Variants in ITGBL1 observed in about 807,000 individuals in gnomAD.
ITGBL1 encodes the protein integrin subunit beta like 1.
In ITGBL1, 51 loss-of-function variants were observed where a neutral mutation model predicts 68.5. The ratio of observed to expected loss-of-function variants is 0.74; its 90% CI spans 0.59 to 0.94. ITGBL1 has a LOEUF of 0.94. Ranked by LOEUF, ITGBL1 falls within the 40% of genes least tolerant of loss-of-function variation. The pLI is 0.00. For missense variants in ITGBL1, 649 were observed against 647.4 expected (o/e 1.00, Z -0.03); for synonymous variants, 209 against 227.3 (o/e 0.92, Z 0.72).
At chr13:101,512,666 T>C (rs1352258925) in intron 2 of ITGBL1, among the ~76,000 whole-genome samples, 2 of 151,946 alleles carry the variant, frequency 1.3e-5, no homozygotes, top group Non-Finnish European at 1.5e-5. Context: ...AGAGCCAGAG[T>C]GCTGCAAGGA....
chr13:101,688,554 T>A (rs2033809154), intron 7 of ITGBL1, among the ~76,000 whole-genome samples: 2 of 152,198 alleles, frequency 1.3e-5, no homozygotes. Context: ...AAGAATCTAG[T>A]CTTTGCTTTG....
chr13:101,714,433 T>A lies in ITGBL1; in HGVS notation c.1280-5T>A. ...GATGGTGAGTAATAGCCTTTGTAAT[T>A]TCAGGTTCTTGTCATTGTGGGAAGT... On this transcript the variant is annotated splice_polypyrimidine_tract_variant and splice_region_variant and intron_variant, in intron 9 of 10. Transcript: ENST00000376180. The A allele has an allele frequency of 6.5e-7, 1 of 1,545,790 alleles. No individual in the cohort carries two copies. The highest frequency in any genetic ancestry group is 2.3e-5 in the East Asian group (1 of 44,362).
chr13:101,588,675 T>G (rs1441721993), intron 6 of ITGBL1, among the ~76,000 whole-genome samples: 1 of 131,068 alleles, frequency 7.6e-6, no homozygotes, highest in African/African-American at 2.7e-5. Context: ...TTTTATGACC[T>G]TTTCACTATT....
chr13:101,514,709 A>G (rs185333281), intron 2 of ITGBL1, among the ~76,000 whole-genome samples: 1 of 152,142 alleles, frequency 6.6e-6, no homozygotes, highest in East Asian at 1.9e-4. Flanking sequence ...GTTATCCCTC[A>G]TATATGAAAG....
intron 7 of ITGBL1, among the ~76,000 whole-genome samples, chr13:101,656,678 A>T (rs1466730007): frequency 6.6e-6 from 1 of 152,160 alleles, no homozygotes; most frequent in Non-Finnish European, 1.5e-5. Flanking sequence ...ATCCACTCAT[A>T]TTGTAATTTG....
In ITGBL1 at chr13:101,596,339, G is replaced by A. The variant is rs568142328; in HGVS notation, c.869-1814G>A. Among the ~76,000 whole-genome samples, 22 of 152,224 alleles carry A rather than the reference G, an allele frequency of 1.4e-4. No individual in the cohort carries two copies. In the South Asian group the frequency reaches 2.7e-3, roughly 19 times the overall value. ...ACTTTCAAAGTTATAAGATGAATAC[G>A]TTCTGGAGATCTAATGTACAGCATG... is the stretch of plus-strand genomic sequence containing the variant. On this transcript the variant is annotated intron_variant, in intron 6 of 10. Transcript: ENST00000376180.
intron 2 of ITGBL1, among the ~76,000 whole-genome samples, chr13:101,466,334 T>A (rs1455709479): frequency 2.0e-5 from 3 of 152,236 alleles, no homozygotes; most frequent in Admixed American, 2.0e-4. Context: ...GTCAAGTATC[T>A]GTGCTTTTCA....
At chr13:101,585,587 C>A (rs9585731) in intron 6 of ITGBL1, among the ~76,000 whole-genome samples, 1,634 of 152,054 alleles carry the variant, frequency 0.011, 84 homozygotes, top group Admixed American at 0.073. Context: ...CCCACCACCA[C>A]GCCCGGCTTA....
At chr13:101,688,540 G>C (rs977791545) in intron 7 of ITGBL1, among the ~76,000 whole-genome samples, 1 of 152,214 alleles carries the variant, frequency 6.6e-6, no homozygotes, top group African/African-American at 2.4e-5. Flanking sequence ...GGAAAACTCT[G>C]TTGAAGAATC....
intron 2 of ITGBL1, among the ~76,000 whole-genome samples, chr13:101,551,400 GAGA>G (rs775519397): frequency 1.3e-5 from 2 of 152,160 alleles, no homozygotes; most frequent in African/African-American, 4.8e-5. Flanking sequence ...GGTTGAAATA[GAGA>G]AGAGAGAGGA....
At chr13:101,542,448 C>G (rs1351433743) in intron 2 of ITGBL1, among the ~76,000 whole-genome samples, 1 of 152,138 alleles carries the variant, frequency 6.6e-6, no homozygotes, top group Non-Finnish European at 1.5e-5. Context: ...CGTTCTTTTA[C>G]ATTTGCTGAG....
chr13:101,626,127 T>A (rs1461592829), intron 7 of ITGBL1, among the ~76,000 whole-genome samples: 2 of 152,166 alleles, frequency 1.3e-5, no homozygotes, highest in Admixed American at 1.3e-4. Flanking sequence ...AGCATCAAAT[T>A]GTATTTCAGA....
At chr13:101,641,346 C>CT (rs1435470796) in intron 7 of ITGBL1, among the ~76,000 whole-genome samples, 2 of 151,916 alleles carry the variant, frequency 1.3e-5, no homozygotes, top group African/African-American at 4.8e-5. Context: ...ACATATATTT[C>CT]TTTTTATTTT....
chr13:101,561,547 T>G (rs367766984), intron 2 of ITGBL1, among the ~76,000 whole-genome samples: 27 of 152,252 alleles, frequency 1.8e-4, no homozygotes, highest in East Asian at 1.4e-3. Flanking sequence ...GGTGGACTTA[T>G]CATTTTCAAA....
intron 7 of ITGBL1, among the ~76,000 whole-genome samples, chr13:101,662,338 T>G (rs2033109652): frequency 6.6e-6 from 1 of 152,200 alleles, no homozygotes; most frequent in African/African-American, 2.4e-5. Context: ...CTTTTGATTT[T>G]ATTGAAGCTT....
chr13:101,645,947 T>C (rs1302907858), intron 7 of ITGBL1, among the ~76,000 whole-genome samples: 2 of 152,242 alleles, frequency 1.3e-5, no homozygotes, highest in East Asian at 1.9e-4. Flanking sequence ...TGAACTTCTC[T>C]TGCATCTGAC....
intron 2 of ITGBL1, among the ~76,000 whole-genome samples, chr13:101,531,610 G>T (rs4771401): frequency 0.38 from 44,097 of 117,050 alleles, 7,772 homozygotes; most frequent in South Asian, 0.46. Flanking sequence ...CGTATTTTTT[G>T]GGGGGAGGGG....
chr13:101,655,445 T>A (rs148353307), intron 7 of ITGBL1, among the ~76,000 whole-genome samples: 1 of 152,226 alleles, frequency 6.6e-6, no homozygotes, highest in African/African-American at 2.4e-5. Context: ...TTGTAGTTAT[T>A]TTCCTATTTC....
At chr13:101,541,233 T>C (rs2049693330) in intron 2 of ITGBL1, among the ~76,000 whole-genome samples, 1 of 151,576 alleles carries the variant, frequency 6.6e-6, no homozygotes, top group Non-Finnish European at 1.5e-5. Flanking sequence ...GTCCCATCAA[T>C]ACCTAATTTA....
Sources: allele counts gnomAD v4.1 joint callset (sites outside exome capture counted in the v4.1 genomes callset), GRCh38; gene constraint gnomAD v4.1.1; transcripts MANE v1.5; gene names NCBI Gene and HGNC (gene_info 2026-07-23, HGNC 2026-07-21).